Variants in DCDC1 observed in about 807,000 individuals in gnomAD.
DCDC1 encodes the protein doublecortin domain containing 1.
DCDC1 carries 200 observed loss-of-function variants against 178.3 expected under a neutral mutation model. The observed-to-expected ratio is 1.12, with a 90% CI of 1.00 to 1.26. The LOEUF (loss-of-function observed/expected upper bound fraction) is 1.26, where lower values mean the gene tolerates loss of function less well. Among genes scored for constraint, DCDC1 ranks in the 50% most tolerant of loss-of-function variants. The pLI is 0.00. For synonymous variants in DCDC1, 690 were observed against 604.8 expected (o/e 1.14, Z -2.07); for missense variants, 1,983 against 1,749.2 (o/e 1.13, Z -2.38).
intron 9 of DCDC1, among the ~76,000 whole-genome samples, chr11:31,169,451 T>A (rs959486441): frequency 6.6e-6 from 1 of 152,070 alleles, no homozygotes; most frequent in African/African-American, 2.4e-5. Flanking sequence ...AATATAAAGG[T>A]ATAAAGTGGC....
intron 20 of DCDC1, among the ~76,000 whole-genome samples, chr11:30,982,877 G>A (rs946901642): frequency 3.3e-5 from 5 of 151,986 alleles, no homozygotes; most frequent in Non-Finnish European, 7.4e-5. Flanking sequence ...TCTCAAATAG[G>A]GTGGAAAAGC....
chr11:30,996,633 G>A lies in DCDC1; in HGVS notation c.2592-44065C>T, dbSNP rs1024727907. ...GGGACACAACATTCCTTCCCTATGT[G>A]GGATGCAGCACCAAGGCACAGTCTT... is the stretch of plus-strand genomic sequence containing the variant. On this transcript the variant is annotated intron_variant, in intron 20 of 38. Transcript: ENST00000684477. Among the ~76,000 whole-genome samples, 4 of 152,102 alleles carry A rather than the reference G, an allele frequency of 2.6e-5. No homozygotes were observed. In the South Asian group the frequency reaches 8.3e-4, roughly 32 times the overall value.
intron 18 of DCDC1, among the ~76,000 whole-genome samples, chr11:31,074,278 C>T (rs1235067439): frequency 2.0e-5 from 3 of 152,178 alleles, no homozygotes; most frequent in Non-Finnish European, 4.4e-5. Context: ...TTACGGGAAG[C>T]TGTCCATAGG....
chr11:30,948,409 C>T (rs1385695438), intron 21 of DCDC1, among the ~76,000 whole-genome samples: 6 of 152,098 alleles, frequency 3.9e-5, no homozygotes, highest in South Asian at 2.1e-4. Context: ...GAATCAAAAT[C>T]GTGAAAATGG....
chr11:31,078,036 C>G (rs1956966481), intron 17 of DCDC1, 111 bp from the exon 18 acceptor site: 1 of 672,810 alleles, frequency 1.5e-6, no homozygotes, highest in Non-Finnish European at 2.7e-6. Flanking sequence ...ACTGCCCACA[C>G]TCTACCAAAG....
intron 9 of DCDC1, among the ~76,000 whole-genome samples, chr11:31,159,597 G>A (rs1291372599): frequency 2.0e-5 from 3 of 152,208 alleles, no homozygotes; most frequent in African/African-American, 7.2e-5. Flanking sequence ...TGATATTCAC[G>A]ATGCAGGCAG....
intron 36 of DCDC1, among the ~76,000 whole-genome samples, chr11:30,890,519 C>T (rs772441027): frequency 3.0e-4 from 46 of 152,186 alleles, no homozygotes; most frequent in Non-Finnish European, 5.6e-4. Flanking sequence ...AGCTGAGATT[C>T]CTGCCTTCAC....
intron 15 of DCDC1, among the ~76,000 whole-genome samples, chr11:31,100,625 G>A (rs1051932400): frequency 2.0e-5 from 3 of 152,172 alleles, no homozygotes; most frequent in African/African-American, 7.2e-5. Flanking sequence ...ACAAGTATAC[G>A]AAAGTGGAAA....
chr11:31,368,998 C>T (rs1356128177), intron 1 of DCDC1, among the ~76,000 whole-genome samples: 1 of 152,152 alleles, frequency 6.6e-6, no homozygotes, highest in Non-Finnish European at 1.5e-5. Context: ...CCAACAGTGC[C>T]CATATGCAGT....
intron 9 of DCDC1, among the ~76,000 whole-genome samples, chr11:31,194,219 A>T (rs1397179133): frequency 6.6e-6 from 1 of 152,092 alleles, no homozygotes; most frequent in Admixed American, 6.6e-5. Context: ...TGTCGACAAG[A>T]TTACTTCTTG....
intron 7 of DCDC1, among the ~76,000 whole-genome samples, chr11:31,277,357 G>T (rs1000675663): frequency 6.6e-6 from 1 of 151,894 alleles, no homozygotes; most frequent in African/African-American, 2.4e-5. Context: ...CTGTAATTTG[G>T]CTAATTGCAA....
intron 20 of DCDC1, among the ~76,000 whole-genome samples, chr11:30,953,232 CATATT>C (rs966674208): frequency 2.6e-4 from 38 of 148,714 alleles, no homozygotes; most frequent in African/African-American, 9.3e-4. Context: ...ATTTCGACCA[CATATT>C]ATATTAATTA....
At chr11:30,958,177 C>A (rs1193717812) in intron 20 of DCDC1, among the ~76,000 whole-genome samples, 3 of 152,100 alleles carry the variant, frequency 2.0e-5, no homozygotes, top group African/African-American at 7.2e-5. Flanking sequence ...ACCTGCTGAT[C>A]AGAAGCCTCA....
intron 17 of DCDC1, among the ~76,000 whole-genome samples, chr11:31,087,628 G>T (rs781109830): frequency 5.9e-5 from 9 of 151,962 alleles, no homozygotes; most frequent in Non-Finnish European, 1.3e-4. Flanking sequence ...TCAAATATCT[G>T]GGGGTTTTGC....
chr11:31,154,250 TTCA>T (rs1338228315), intron 9 of DCDC1, among the ~76,000 whole-genome samples: 1 of 152,210 alleles, frequency 6.6e-6, no homozygotes, highest in Non-Finnish European at 1.5e-5. Flanking sequence ...ACCTCTCTTC[TTCA>T]TAAATTACCC....
At chr11:31,004,365 C>T (rs566661217) in intron 20 of DCDC1, among the ~76,000 whole-genome samples, 3 of 152,112 alleles carry the variant, frequency 2.0e-5, no homozygotes, top group Non-Finnish European at 2.9e-5. Context: ...TGCTGTCCCT[C>T]ACAATTCACT....
chr11:30,991,872 A>C (rs1951007077), intron 20 of DCDC1, among the ~76,000 whole-genome samples: 1 of 152,218 alleles, frequency 6.6e-6, no homozygotes, highest in Non-Finnish European at 1.5e-5. Context: ...TTTTTGGGAA[A>C]AGAATTTAAA....
chr11:31,055,399 C>A (rs1955519155), intron 20 of DCDC1, among the ~76,000 whole-genome samples: 1 of 152,176 alleles, frequency 6.6e-6, no homozygotes, highest in Non-Finnish European at 1.5e-5. Context: ...TAAACTAGTA[C>A]AATCACTATG....
chr11:30,950,749 T>C (rs112742960), intron 21 of DCDC1, among the ~76,000 whole-genome samples: 56 of 152,020 alleles, frequency 3.7e-4, no homozygotes, highest in African/African-American at 1.3e-3. Flanking sequence ...GTTTAATAGG[T>C]ACAAAACTAC....
Sources: allele counts gnomAD v4.1 joint callset (sites outside exome capture counted in the v4.1 genomes callset), GRCh38; gene constraint gnomAD v4.1.1; transcripts MANE v1.5; gene names NCBI Gene and HGNC (gene_info 2026-07-23, HGNC 2026-07-21).